The following SMIM24 variants were observed in gnomAD, a reference collection of about 807,000 sequenced individuals.
SMIM24 encodes the protein MAP17-related dimer.
Under a neutral mutation model 10.8 loss-of-function variants are expected in SMIM24, and 6 were observed. The ratio of observed to expected loss-of-function variants is 0.55; its 90% CI spans 0.30 to 1.09. SMIM24 has a LOEUF of 1.09. SMIM24 is among the 50% of genes least tolerant of loss of function. The probability of loss-of-function intolerance (pLI) is 0.06; values close to 1 mark genes in which losing one functional copy is unlikely to be tolerated. For synonymous variants in SMIM24, 71 were observed against 62.4 expected (o/e 1.14, Z -0.65); for missense variants, 151 against 153.4 (o/e 0.98, Z 0.08).
chr19:3,474,760 C>T lies in SMIM24; in HGVS notation c.*83G>A, dbSNP rs779078964. The stretch of plus-strand genomic sequence containing the variant: ...CTGAATCCCAGATGGAGTCATTTCA[C>T]GGGCTTCAAGTCCAGGGCACTGCTT... On this transcript the variant is annotated 3_prime_UTR_variant, in exon 4 of 4. Transcript: ENST00000215531. 7.1e-5 allele frequency: 103 copies of T among 1,458,640 alleles called. No individual in the cohort carries two copies. Among genetic ancestry groups the T allele is most frequent in the Non-Finnish European group, 8.1e-5 (89 of 1,097,996 alleles). 90.4% of individuals were successfully genotyped at this position (1,458,640 alleles called of 1,614,324 possible).
Position 3,474,635 on chromosome 19 carries a change from C to A in SMIM24, c.*208G>T. On this transcript the variant is annotated 3_prime_UTR_variant, in exon 4 of 4. Transcript: ENST00000215531. Reference sequence around the variant, plus strand: ...GAAGAATCACCAGGCAGGGACCAAGCTCAGGAAGAGGGGTGCATGAAAACC... The same window carrying A: ...GAAGAATCACCAGGCAGGGACCAAGATCAGGAAGAGGGGTGCATGAAAACC... 1.7e-6 allele frequency: 1 copy of A among 593,000 alleles called. No individual in the cohort carries two copies. The highest frequency in any genetic ancestry group is 2.8e-6 in the Non-Finnish European group (1 of 351,220). The allele number at this position is 593,000 out of a possible 1,614,324, so 36.7% of individuals were successfully genotyped here.
chr19:3,478,455 G>A lies in SMIM24; in HGVS notation c.203C>T (p.Thr68Met), dbSNP rs1459844336. The A allele has an allele frequency of 6.5e-7, 1 of 1,549,166 alleles. No individual in the cohort carries two copies. The highest frequency in any genetic ancestry group is 8.7e-7 in the Non-Finnish European group (1 of 1,146,380). ...KARAEDEEET[T>M]FRMESNLYQD... is the part of the protein sequence containing the mutation. ...GTATAGGTTGGACTCCATTCTGAAC[G>A]TGGTCTCCTCCTCGTCCTCAGCCCT... Residue 68 changes from threonine (T) to methionine (M), a missense_variant, in exon 3 of 4, where the codon ACG becomes ATG. Thr to Met is a moderately conservative substitution (Grantham distance 81). Transcript: ENST00000215531.
Position 3,478,406 on chromosome 19 carries a change from G to C in SMIM24, c.239+13C>G, listed in dbSNP as rs534204799. On this transcript the variant is annotated intron_variant, in intron 3 of 3. Transcript: ENST00000215531. Reference sequence around the variant, plus strand: ...GGGTTCACACAGACCCCCAGCATCCGCACGCATAGTACCTCTGGTCCTGGT... The same window carrying C: ...GGGTTCACACAGACCCCCAGCATCCCCACGCATAGTACCTCTGGTCCTGGT... 1.2e-5 allele frequency: 18 copies of C among 1,546,474 alleles called. No individual in the cohort carries two copies. The highest frequency in any genetic ancestry group is 1.0e-4 in the Admixed American group (5 of 50,184).
chr19:3,479,522 G>A (rs913952045), intron 1 of SMIM24, among the ~76,000 whole-genome samples: 6 of 142,630 alleles, frequency 4.2e-5, no homozygotes, highest in Admixed American at 4.2e-4. Context: ...CTTATAAGGG[G>A]AGAGGGTCTC....
intron 1 of SMIM24, 178 bp from the exon 2 acceptor site, chr19:3,479,107 A>C: frequency 1.3e-4 from 17 of 131,434 alleles, no homozygotes; most frequent in East Asian, 2.4e-4. Context: ...GGGTTTAGAG[A>C]GGGGGAGGGT....
chr19:3,478,354 G>A lies in SMIM24; in HGVS notation c.239+65C>T, dbSNP rs374863546. The A allele has an allele frequency of 2.9e-5, 42 of 1,433,856 alleles. No homozygotes were observed. The Middle Eastern group carries it at 5.2e-4, about 18-fold the overall frequency. The allele number at this position is 1,433,856 out of a possible 1,614,324, so 88.8% of individuals were successfully genotyped here. On this transcript the variant is annotated intron_variant, in intron 3 of 3. Transcript: ENST00000215531. ...GATTCAGGACAGCAAGGTCATCTGC[G>A]CACACCCATTCCCCCACCCCGAGGA...
intron 3 of SMIM24, among the ~76,000 whole-genome samples, chr19:3,476,560 A>C (rs1209023037): frequency 1.3e-5 from 2 of 151,930 alleles, no homozygotes; most frequent in African/African-American, 4.8e-5. Flanking sequence ...ACATCCTGGG[A>C]GTAGGAATCA....
intron 3 of SMIM24, 62 bp from the exon 4 acceptor site, chr19:3,475,058 A>C: frequency 1.3e-6 from 2 of 1,516,660 alleles, no homozygotes; most frequent in Non-Finnish European, 1.8e-6. Context: ...TTTAATGGCC[A>C]CTCACTTGAG....
intron 3 of SMIM24, among the ~76,000 whole-genome samples, chr19:3,477,769 G>T (rs1170686306): frequency 7.1e-6 from 1 of 141,428 alleles, no homozygotes; most frequent in African/African-American, 2.6e-5. Flanking sequence ...GGGTGAGTGG[G>T]TGAATGGGTG....
At chr19:3,479,175 A>C in intron 1 of SMIM24, 1 of 373,598 alleles carries the variant, frequency 2.7e-6, no homozygotes, top group Non-Finnish European at 4.8e-6. Flanking sequence ...CTTATAAAAG[A>C]AGGGGGGCTT....
At position 3,480,488 on chromosome 19, in the gene SMIM24, G is replaced by GTT; in HGVS notation, c.-26_-25insAA. On this transcript the variant is annotated 5_prime_UTR_variant, in exon 1 of 4. Transcript: ENST00000215531. ...TGACGGTCGAGTGAGCCAGCAGCCA[G>GTT]CCAGCGGCGGTCCCGGGTCGGCGTC... 6.5e-7 allele frequency: 1 copy of GTT among 1,547,574 alleles called. No homozygotes were observed. The highest frequency in any genetic ancestry group is 1.7e-4 in the Middle Eastern group (1 of 5,774).
At chr19:3,478,563 C>T (rs1306697223) in intron 2 of SMIM24, 85 bp from the exon 3 acceptor site, 2 of 1,283,382 alleles carry the variant, frequency 1.6e-6, no homozygotes, top group African/African-American at 3.0e-5. Flanking sequence ...ACAGCCTCAG[C>T]CTCTGTCCCA....
chr19:3,474,802 G>T lies in SMIM24; in HGVS notation c.*41C>A. ...GCACTGCTTTTAGGGGGCAGAAGAG[G>T]CATCTCTGGGGGACTGCCTGGAAGA... On this transcript the variant is annotated 3_prime_UTR_variant, in exon 4 of 4. Transcript: ENST00000215531. 1 of 1,540,228 alleles carries T rather than the reference G, an allele frequency of 6.5e-7. No individual in the cohort carries two copies.
chr19:3,478,287 T>C, intron 3 of SMIM24, 132 bp downstream of exon 3: 1 of 848,604 alleles, frequency 1.2e-6, no homozygotes, highest in Non-Finnish European at 1.8e-6. Context: ...TGCCAGAAGA[T>C]ACAGGAAAGG....
chr19:3,478,508 G>A (rs1307895381), intron 2 of SMIM24, 30 bp from the exon 3 acceptor site: 4 of 1,531,750 alleles, frequency 2.6e-6, no homozygotes, highest in Non-Finnish European at 3.5e-6. Flanking sequence ...GGTGGAAGGG[G>A]GCGGGAGAGG....
In SMIM24 at chr19:3,480,507, C is replaced by G. The variant is rs1279297913; in HGVS notation, c.-44G>C. 1 of 1,541,018 alleles carries G rather than the reference C, an allele frequency of 6.5e-7. No homozygotes were observed. The highest frequency in any genetic ancestry group is 2.5e-5 in the East Asian group (1 of 40,756). ...CAGCCAGCCAGCGGCGGTCCCGGGT[C>G]GGCGTCCACAGGTTTGGTGTGGGCG... On this transcript the variant is annotated 5_prime_UTR_variant, in exon 1 of 4. Transcript: ENST00000215531.
chr19:3,475,664 G>A (rs1250340085), intron 3 of SMIM24, among the ~76,000 whole-genome samples: 2 of 150,694 alleles, frequency 1.3e-5, no homozygotes, highest in African/African-American at 2.4e-5. Flanking sequence ...TGGATGGATG[G>A]TGGGTGAATT....
chr19:3,475,406 G>A (rs2082788366), intron 3 of SMIM24, among the ~76,000 whole-genome samples: 1 of 152,140 alleles, frequency 6.6e-6, no homozygotes, highest in Non-Finnish European at 1.5e-5. Context: ...AAAGAAGTTA[G>A]GGAATAGATG....
intron 1 of SMIM24, 28 bp downstream of exon 1, chr19:3,480,369 A>T: frequency 7.6e-7 from 1 of 1,307,420 alleles, no homozygotes; most frequent in African/African-American, 1.6e-5. Flanking sequence ...CTATCCCGCG[A>T]CGCCCCCTCC....
Sources: gnomAD v4.1 joint callset for allele counts (sites outside exome capture counted in the v4.1 genomes callset) on GRCh38, gnomAD v4.1.1 for gene constraint, MANE v1.5 for transcripts, NCBI Gene and HGNC (gene_info 2026-07-23, HGNC 2026-07-21) for gene names.